CHODL: variants seen among roughly 807,000 people sequenced by gnomAD.
CHODL encodes transmembrane protein MT75.
In CHODL, 29 loss-of-function variants were observed where a neutral mutation model predicts 34.5. The observed-to-expected ratio is 0.84, with a 90% CI of 0.63 to 1.15. The LOEUF is 1.15. CHODL is among the 50% of genes most tolerant of loss of function. CHODL has a pLI of 0.00. For missense variants in CHODL, 332 were observed against 332.5 expected, an observed-to-expected ratio of 1.00 and a Z score of 0.01; for synonymous variants, 125 against 116.1, an observed-to-expected ratio of 1.08 and a Z score of -0.49.
At chr21:18,062,193 T>C (rs11702468) in intron 2 of CHODL, among the ~76,000 whole-genome samples, 54,909 of 152,042 alleles carry the variant, frequency 0.36, 12,243 homozygotes, top group Non-Finnish European at 0.51. Context: ...CTTTTGAGAA[T>C]GACAGGCAAC....
rs556091180 is a variant in CHODL, at chr21:18,110,044, T to C, written c.-45+82073T>C. The stretch of plus-strand genomic sequence containing the variant: ...AAGTCCTGGGCTGGGAGTGTTGTGC[T>C]GAGGATGGGGACTGAGATGGGCACC... On this transcript the variant is annotated intron_variant, in intron 2 of 6. Transcript: ENST00000400127. Among the ~76,000 whole-genome samples the C allele has an allele frequency of 3.3e-5, 5 of 152,336 alleles. No homozygotes were observed. The South Asian group carries it at 6.2e-4, about 19-fold the overall frequency.
At chr21:18,059,359 A>G (rs2064626811) in intron 2 of CHODL, among the ~76,000 whole-genome samples, 1 of 152,178 alleles carries the variant, frequency 6.6e-6, no homozygotes, top group East Asian at 1.9e-4. Context: ...AGTCTGTGGT[A>G]TTTTGTTATG....
At chr21:18,092,703 T>C (rs1338451708) in intron 2 of CHODL, among the ~76,000 whole-genome samples, 1 of 152,176 alleles carries the variant, frequency 6.6e-6, no homozygotes, top group Admixed American at 6.5e-5. Flanking sequence ...TGCCTTTTAG[T>C]AGCAGAATAG....
chr21:17,965,470 CCTT>C (rs542813693), intron 1 of CHODL, among the ~76,000 whole-genome samples: 15 of 152,038 alleles, frequency 9.9e-5, no homozygotes, highest in South Asian at 2.1e-4. Flanking sequence ...TCCTCTTCCT[CCTT>C]CTTATTATTA....
chr21:18,129,664 C>G (rs1400741744), intron 2 of CHODL, among the ~76,000 whole-genome samples: 1 of 152,082 alleles, frequency 6.6e-6, no homozygotes, highest in African/African-American at 2.4e-5. Flanking sequence ...GCAGTTTAGA[C>G]AGAAGTAGAA....
At chr21:18,254,665 C>A (rs2074295130) in intron 1 of CHODL, among the ~76,000 whole-genome samples, 1 of 152,076 alleles carries the variant, frequency 6.6e-6, no homozygotes, top group Non-Finnish European at 1.5e-5. Context: ...CTAGCTAAAT[C>A]CTATACACCG....
chr21:18,182,927 A>T (rs970831500), intron 2 of CHODL, among the ~76,000 whole-genome samples: 1 of 152,176 alleles, frequency 6.6e-6, no homozygotes, highest in Non-Finnish European at 1.5e-5. Flanking sequence ...CCCAAAGTAT[A>T]TGGAGGTAGG....
intron 2 of CHODL, among the ~76,000 whole-genome samples, chr21:18,222,013 G>C (rs922660447): frequency 6.6e-6 from 1 of 152,204 alleles, no homozygotes; most frequent in Non-Finnish European, 1.5e-5. Context: ...TGTGTAGGGT[G>C]CATCAGCACC....
chr21:18,044,909 C>T (rs192321123), intron 2 of CHODL, among the ~76,000 whole-genome samples: 6 of 151,788 alleles, frequency 4.0e-5, no homozygotes, highest in South Asian at 2.1e-4. Context: ...GGGCACTGTG[C>T]GAGGTGCTGG....
chr21:18,026,748 T>C (rs2064179834), intron 1 of CHODL, among the ~76,000 whole-genome samples: 4 of 152,188 alleles, frequency 2.6e-5, no homozygotes, highest in African/African-American at 9.6e-5. Context: ...ATGCAATCCA[T>C]TTGATTATCC....
chr21:18,143,902 T>C (rs2072833178), intron 2 of CHODL, among the ~76,000 whole-genome samples: 1 of 152,150 alleles, frequency 6.6e-6, no homozygotes, highest in Non-Finnish European at 1.5e-5. Context: ...TATAATTGAA[T>C]ATTTCTTTCC....
chr21:17,973,526 C>T (rs2063634997), intron 1 of CHODL, among the ~76,000 whole-genome samples: 1 of 150,470 alleles, frequency 6.6e-6, no homozygotes, highest in Non-Finnish European at 1.5e-5. Context: ...ACGCCATTCT[C>T]CTGCCTCAGC....
intron 2 of CHODL, among the ~76,000 whole-genome samples, chr21:18,106,832 C>G (rs1021465230): frequency 6.6e-6 from 1 of 152,188 alleles, no homozygotes; most frequent in African/African-American, 2.4e-5. Flanking sequence ...GAACTCAGAA[C>G]ACCACTAGGA....
chr21:17,920,984 C>T (rs1318184940), intron 1 of CHODL, among the ~76,000 whole-genome samples: 2 of 152,162 alleles, frequency 1.3e-5, no homozygotes, highest in Non-Finnish European at 2.9e-5. Flanking sequence ...TTTCCAAGCT[C>T]CCTTGCAGTT....
chr21:18,026,967 A>G (rs958329057), intron 1 of CHODL, among the ~76,000 whole-genome samples: 1 of 152,282 alleles, frequency 6.6e-6, no homozygotes, highest in East Asian at 1.9e-4. Flanking sequence ...AGAAAGAAGC[A>G]AGTAATACCT....
At position 18,214,851 on chromosome 21, in the gene CHODL, A is replaced by T. The variant is rs550949436; in HGVS notation, c.-44-41658A>T. 3.3e-5 allele frequency among the ~76,000 whole-genome samples: 5 copies of T among 152,244 alleles called. No homozygotes were observed. In the East Asian group the frequency reaches 9.7e-4, roughly 29 times the overall value. ...TACAGCGTAGACCAATCTCACACAC[A>T]GCTGCATTGTTTGAAAGATTCTTTA... On this transcript the variant is annotated intron_variant, in intron 2 of 6. Coordinates refer to the CHODL transcript ENST00000400127.
intron 1 of CHODL, among the ~76,000 whole-genome samples, chr21:18,015,365 G>T (rs1415317880): frequency 6.6e-6 from 1 of 152,174 alleles, no homozygotes; most frequent in African/African-American, 2.4e-5. Context: ...CTTCCACCAT[G>T]ATCGTAGGTT....
chr21:18,013,438 C>T (rs1470314654), intron 1 of CHODL, among the ~76,000 whole-genome samples: 1 of 12,068 alleles, frequency 8.3e-5, no homozygotes, highest in Non-Finnish European at 1.4e-4. Context: ...TTCAACTTCT[C>T]TCTGTCTCAG....
intron 2 of CHODL, among the ~76,000 whole-genome samples, chr21:18,101,472 T>C (rs1601004636): frequency 6.6e-6 from 1 of 152,302 alleles, no homozygotes; most frequent in Middle Eastern, 3.4e-3. Context: ...TTCTTATTCC[T>C]ATCCTTAAGT....
Sources: allele counts gnomAD v4.1 joint callset (sites outside exome capture counted in the v4.1 genomes callset), GRCh38; gene constraint gnomAD v4.1.1; transcripts MANE v1.5; gene names NCBI Gene and HGNC (gene_info 2026-07-23, HGNC 2026-07-21).